Variants in TEKT5 observed in about 807,000 individuals in gnomAD.
TEKT5 encodes the protein tektin-5.
In TEKT5, 52 loss-of-function variants were observed where a neutral mutation model predicts 48.7. The observed-to-expected ratio is 1.07, with a 90% confidence interval of 0.86 to 1.35. The LOEUF is 1.35. Ranked by LOEUF, TEKT5 falls within the 40% of genes most tolerant of loss-of-function variation. The pLI is 0.00. For missense variants in TEKT5, 831 were observed against 641.6 expected (o/e 1.30, Z -3.19); for synonymous variants, 318 against 267.6 (o/e 1.19, Z -1.84).
At chr16:10,664,843 G>T (rs74621777) in intron 5 of TEKT5, among the ~76,000 whole-genome samples, 9 of 152,312 alleles carry the variant, frequency 5.9e-5, no homozygotes, top group African/African-American at 2.2e-4. Flanking sequence ...TGAGAAAGCA[G>T]ACCATAGCTT....
At chr16:10,677,724 T>C (rs1898672920) in intron 4 of TEKT5, among the ~76,000 whole-genome samples, 1 of 96,512 alleles carries the variant, frequency 1.0e-5, no homozygotes, top group Non-Finnish European at 1.9e-5. Context: ...GGAACCATGG[T>C]TGACCAGTGT....
intron 5 of TEKT5, among the ~76,000 whole-genome samples, chr16:10,648,686 C>A (rs1281080948): frequency 1.3e-5 from 2 of 152,174 alleles, no homozygotes; most frequent in Admixed American, 6.6e-5. Flanking sequence ...CTTGTCAATT[C>A]TCTTTCAAAC....
intron 6 of TEKT5, among the ~76,000 whole-genome samples, 173 bp downstream of exon 6, chr16:10,635,591 C>T (rs1567224184): frequency 6.6e-6 from 1 of 152,128 alleles, no homozygotes; most frequent in South Asian, 2.1e-4. Context: ...GCCCGAGCTG[C>T]ATCTCAGAAC....
rs772846624 is a variant in TEKT5 at position 10,635,778 on chromosome 16, G to C, written c.1227C>G (p.Asp409Glu). 1.2e-6 allele frequency: 2 copies of C among 1,613,746 alleles called. No homozygotes were observed. Residue 409 changes from aspartate (D) to glutamate (E), a missense_variant, in exon 6 of 7, where the codon GAC (aspartate) becomes GAG (glutamate). Transcript: ENST00000283025. ...CCCTCACTTACTTCAACTGCGGGAT[G>C]TCCCTGCACAGCTCCATGTTGGGGC... Reference protein sequence around the residue: ...TRRPNMELCRDIPQLKLVNEV... With the variant: ...TRRPNMELCREIPQLKLVNEV...
intron 5 of TEKT5, among the ~76,000 whole-genome samples, chr16:10,648,324 A>ATT (rs200012329): frequency 3.6e-4 from 53 of 147,874 alleles, no homozygotes; most frequent in Admixed American, 1.0e-3. Flanking sequence ...TTTATTTATC[A>ATT]TTTTTTTTTT....
intron 5 of TEKT5, among the ~76,000 whole-genome samples, chr16:10,667,987 C>T (rs1175491882): frequency 3.3e-5 from 5 of 151,942 alleles, no homozygotes; most frequent in African/African-American, 1.2e-4. Context: ...AAGTCATTCT[C>T]CTGCCTCAGC....
chr16:10,677,966 G>A (rs895613178), intron 4 of TEKT5, among the ~76,000 whole-genome samples: 1 of 152,166 alleles, frequency 6.6e-6, no homozygotes, highest in African/African-American at 2.4e-5. Flanking sequence ...AAGGCAGGCA[G>A]GGAAGGCTTC....
At position 10,630,267 on chromosome 16, in the gene TEKT5, C is replaced by T. The variant is rs548200450; in HGVS notation, c.1242-2468G>A. On this transcript the variant is annotated intron_variant, in intron 6 of 6. Coordinates refer to ENST00000283025, the MANE Select transcript of TEKT5 (RefSeq NM_144674.2). ...TTTTTTTTTTTTTAGACCAGATCTC[C>T]CTCTGTCACCTAGGCTGGAGTGTAG... Among the ~76,000 whole-genome samples the T allele has an allele frequency of 6.6e-5, 10 of 151,878 alleles. No homozygotes were observed. In the South Asian group the frequency reaches 2.1e-3, roughly 32 times the overall value.
At position 10,656,468 on chromosome 16, in the gene TEKT5, G is replaced by A. The variant is rs112333824; in HGVS notation, c.1086+19491C>T. ...GGGTCTCACCATGTTACCCAGGCTG[G>A]CCTCAAACTCCTGGGCTCAAGCGAT... is the stretch of plus-strand genomic sequence containing the variant. On this transcript the variant is annotated intron_variant, in intron 5 of 6. Transcript: ENST00000283025. Among the ~76,000 whole-genome samples, 291 of 152,078 alleles carry A rather than the reference G, an allele frequency of 1.9e-3. 4 individuals carry two copies. Among genetic ancestry groups the A allele is most frequent in the African/African-American group, 6.9e-3 (285 of 41,478 alleles).
chr16:10,654,924 T>TCCCCCCCCCCCCCCCCCCCCCCCCC (rs375024938), intron 5 of TEKT5, among the ~76,000 whole-genome samples: 1 of 44,980 alleles, frequency 2.2e-5, no homozygotes, highest in African/African-American at 9.1e-5. Context: ...CTGTCCTGTC[T>TCCCCCCCCCCCCCCCCCCCCCCCCC]CCCCCCCCTC....
intron 5 of TEKT5, among the ~76,000 whole-genome samples, chr16:10,649,095 G>T (rs953581703): frequency 1.3e-5 from 2 of 151,968 alleles, no homozygotes; most frequent in African/African-American, 2.4e-5. Context: ...TACTACAGGT[G>T]CATGCCACCA....
intron 1 of TEKT5, 62 bp downstream of exon 1, chr16:10,694,248 C>G: frequency 6.8e-7 from 1 of 1,477,666 alleles, no homozygotes. Context: ...TCAAGGGAAG[C>G]AGAATGAGCG....
rs1286617989 is a variant in TEKT5, at chr16:10,682,005, T to C, written c.851A>G (p.Lys284Arg). 1 of 1,613,996 alleles carries C rather than the reference T, an allele frequency of 6.2e-7. No homozygotes were observed. Among genetic ancestry groups the C allele is most frequent in the South Asian group, 1.1e-5 (1 of 91,046 alleles). The change falls in exon 4 of 7, where the codon AAA becomes AGA. Residue 284 changes from lysine to arginine, a missense_variant. Physicochemically the swap from Lys to Arg is conservative, Grantham distance 26. Coordinates refer to ENST00000283025, the MANE Select transcript of TEKT5 (RefSeq NM_144674.2). ...GTCTGATACTTACGTGCCGTCAATT[T>C]TCTCCATGCCGTGGAAGAAGCTGAT... is the stretch of plus-strand genomic sequence containing the variant. ...DCISFFHGME[K>R]IDGTISVPET...
chr16:10,676,895 T>G (rs938769438), intron 4 of TEKT5, among the ~76,000 whole-genome samples: 1 of 152,138 alleles, frequency 6.6e-6, no homozygotes, highest in Non-Finnish European at 1.5e-5. Context: ...GGAAGGGATT[T>G]AGAAACTGGA....
In TEKT5 at chr16:10,684,153, C is replaced by G. The variant is rs143055188; in HGVS notation, c.720-2017G>C. ...ACAGACACATAAGCAGCAGCTGAAA[C>G]TTTTGCCTTGAAGTGTTTAGAAGAA... On this transcript the variant is annotated intron_variant, in intron 3 of 6. Transcript: ENST00000283025. 5.5e-3 allele frequency among the ~76,000 whole-genome samples: 841 copies of G among 152,208 alleles called. 6 individuals are homozygous for G. The highest frequency in any genetic ancestry group is 0.02 in the African/African-American group (810 of 41,530).
chr16:10,681,900 T>C, intron 4 of TEKT5, 93 bp downstream of exon 4: 2 of 1,502,058 alleles, frequency 1.3e-6, no homozygotes, highest in East Asian at 2.3e-5. Context: ...ACTTAACTGG[T>C]GCACGATGCC....
At position 10,675,972 on chromosome 16, in the gene TEKT5, G is replaced by A. The variant is rs767939919; in HGVS notation, c.1073C>T (p.Thr358Met). 14 of 1,613,964 alleles carry A rather than the reference G, an allele frequency of 8.7e-6. No individual in the cohort carries two copies. The highest frequency in any genetic ancestry group is 2.7e-5 in the African/African-American group (2 of 74,940). Residue 358 changes from threonine (T) to methionine (M), a missense_variant, in exon 5 of 7, where the codon ACG (threonine) becomes ATG (methionine). Transcript: ENST00000283025. ...GGATCTGCTCACCTTCGCCAGCTGC[G>A]TCTGCAGCTTATTCTTCACATCCGT... is the stretch of plus-strand genomic sequence containing the variant. ...EVTDVKNKLQTQLAKTLQEIF... is the reference protein window; with the variant it reads ...EVTDVKNKLQMQLAKTLQEIF...
chr16:10,685,072 CTG>C (rs1898837822), intron 3 of TEKT5, among the ~76,000 whole-genome samples: 1 of 152,214 alleles, frequency 6.6e-6, no homozygotes, highest in African/African-American at 2.4e-5. Flanking sequence ...GCAGCACAAG[CTG>C]TGAGATGGCA....
In TEKT5 at chr16:10,676,067, G is replaced by A. The variant is rs754179623; in HGVS notation, c.978C>T (p.Thr326=). ...LREEAEHLFE[T]LSDQMWRQFT... ...ACTGCCTCCACATCTGATCCGACAA[G>A]GTCTCAAAGAGGTGCTCCGCCTCCT... The change falls in exon 5 of 7, where the codon ACC becomes ACT. Residue 326 remains threonine (T), a synonymous_variant. Coordinates refer to ENST00000283025, the MANE Select transcript of TEKT5 (RefSeq NM_144674.2). 1.1e-5 allele frequency: 17 copies of A among 1,614,132 alleles called. No homozygotes were observed. The highest frequency in any genetic ancestry group is 1.4e-5 in the Non-Finnish European group (16 of 1,180,060).
Sources: gnomAD v4.1 joint callset for allele counts (sites outside exome capture counted in the v4.1 genomes callset) on GRCh38, gnomAD v4.1.1 for gene constraint, MANE v1.5 for transcripts, NCBI Gene and HGNC (gene_info 2026-07-23, HGNC 2026-07-21) for gene names.